BCAP29: variants seen among roughly 807,000 people sequenced by gnomAD.
BCAP29 encodes B-cell receptor-associated protein 29.
In BCAP29, 34 loss-of-function variants were observed where a neutral mutation model predicts 31.8. The ratio of observed to expected loss-of-function variants is 1.07; its 90% CI spans 0.81 to 1.42. The LOEUF is 1.42. Among genes scored for constraint, BCAP29 ranks in the 40% most tolerant of loss-of-function variants. The pLI is 0.00. For synonymous variants in BCAP29, 104 were observed against 91.3 expected (o/e 1.14, Z -0.79); for missense variants, 314 against 269.2 (o/e 1.17, Z -1.16).
chr7:107,621,354 C>T (rs551567105), downstream of BCAP29: 5 of 174,858 alleles, frequency 2.9e-5, no homozygotes, highest in South Asian at 1.3e-4. Context: ...CTTTGCTGAA[C>T]GGCATTTTTA....
chr7:107,590,360 C>T (rs930905228), intron 3 of BCAP29, among the ~76,000 whole-genome samples: 1 of 151,998 alleles, frequency 6.6e-6, no homozygotes, highest in African/African-American at 2.4e-5. Flanking sequence ...AAAGTCTTCC[C>T]CCATAAGATT....
chr7:107,580,174 G>A (rs899793127), upstream of BCAP29: 3 of 152,100 alleles, frequency 2.0e-5, no homozygotes, highest in African/African-American at 4.8e-5. Flanking sequence ...CGGACCCGCG[G>A]GCGGGAGCCT....
chr7:107,597,727 A>G (rs191211677), intron 5 of BCAP29, among the ~76,000 whole-genome samples: 1 of 152,102 alleles, frequency 6.6e-6, no homozygotes, highest in Non-Finnish European at 1.5e-5. Flanking sequence ...AAGCAGCCTG[A>G]CTCTAGAATC....
chr7:107,621,279 G>A (rs1814948397), downstream of BCAP29: 1 of 197,586 alleles, frequency 5.1e-6, no homozygotes. Flanking sequence ...GAACCCTCCT[G>A]TGTTTTTTCA....
intron 6 of BCAP29, among the ~76,000 whole-genome samples, chr7:107,609,301 C>G (rs1812714422): frequency 6.6e-6 from 1 of 152,166 alleles, no homozygotes; most frequent in African/African-American, 2.4e-5. Context: ...GCCTCATATG[C>G]CCTGTTTGTA....
At chr7:107,597,048 G>A (rs952278652) in intron 5 of BCAP29, among the ~76,000 whole-genome samples, 1 of 152,298 alleles carries the variant, frequency 6.6e-6, no homozygotes, top group African/African-American at 2.4e-5. Context: ...ACACAGTGGG[G>A]AGAAAGTCTT....
chr7:107,584,150 T>C (rs1807200541), intron 3 of BCAP29, among the ~76,000 whole-genome samples, 168 bp downstream of exon 3: 1 of 152,214 alleles, frequency 6.6e-6, no homozygotes, highest in Admixed American at 6.5e-5. Context: ...GATACTACCA[T>C]TCTGTATGTT....
intron 6 of BCAP29, among the ~76,000 whole-genome samples, chr7:107,612,169 T>C (rs1051156892): frequency 6.6e-6 from 1 of 151,814 alleles, no homozygotes; most frequent in African/African-American, 2.4e-5. Context: ...ATTCTACTTT[T>C]TTCCCTTAAA....
chr7:107,620,503 T>A (rs1392459557), downstream of BCAP29: 2 of 152,234 alleles, frequency 1.3e-5, no homozygotes, highest in East Asian at 3.8e-4. Flanking sequence ...TAAATTACTT[T>A]CCTTCCCATT....
chr7:107,594,919 T>C (rs1223770460), intron 4 of BCAP29, among the ~76,000 whole-genome samples: 1 of 152,248 alleles, frequency 6.6e-6, no homozygotes, highest in Non-Finnish European at 1.5e-5. Context: ...ATTAGGCTCC[T>C]GCCTCTCTTT....
intron 6 of BCAP29, among the ~76,000 whole-genome samples, chr7:107,603,126 C>T (rs1011415723): frequency 2.6e-5 from 4 of 151,792 alleles, no homozygotes; most frequent in African/African-American, 7.3e-5. Context: ...CCTGCCGCCA[C>T]GCCTGGCTAA....
At chr7:107,601,556 A>G (rs149772373) in intron 6 of BCAP29, among the ~76,000 whole-genome samples, 20 of 152,356 alleles carry the variant, frequency 1.3e-4, no homozygotes, top group African/African-American at 4.6e-4. Context: ...TAGTTGGCAT[A>G]GTATAGCCCA....
At chr7:107,598,040 C>G (rs1329235914) in intron 5 of BCAP29, among the ~76,000 whole-genome samples, 3 of 152,078 alleles carry the variant, frequency 2.0e-5, no homozygotes, top group Admixed American at 2.0e-4. Flanking sequence ...GGTCTTTCTC[C>G]AGCGTCAAGT....
chr7:107,608,618 A>G (rs1812593176), intron 6 of BCAP29, among the ~76,000 whole-genome samples: 1 of 151,672 alleles, frequency 6.6e-6, no homozygotes, highest in Non-Finnish European at 1.5e-5. Context: ...CTTTGGTACT[A>G]TTTATTTATA....
chr7:107,593,207 T>C (rs1809194779), intron 3 of BCAP29, among the ~76,000 whole-genome samples: 1 of 152,242 alleles, frequency 6.6e-6, no homozygotes, highest in African/African-American at 2.4e-5. Context: ...CTTGTTCATA[T>C]ACTTCCACTG....
At chr7:107,592,470 C>T (rs1809051253) in intron 3 of BCAP29, among the ~76,000 whole-genome samples, 1 of 152,186 alleles carries the variant, frequency 6.6e-6, no homozygotes, top group Non-Finnish European at 1.5e-5. Flanking sequence ...TTGGAACCAA[C>T]ATACACTGCT....
At chr7:107,610,713 A>G (rs916002070) in intron 6 of BCAP29, among the ~76,000 whole-genome samples, 2 of 152,206 alleles carry the variant, frequency 1.3e-5, no homozygotes, top group African/African-American at 4.8e-5. Flanking sequence ...TTCCGTTAAT[A>G]ACTTTATACC....
intron 3 of BCAP29, among the ~76,000 whole-genome samples, chr7:107,590,974 C>A (rs1249504140): frequency 2.0e-5 from 3 of 152,072 alleles, no homozygotes; most frequent in Admixed American, 6.6e-5. Flanking sequence ...TATTTCTATA[C>A]TATAAGCAGT....
At chr7:107,587,048 A>G (rs1299648583) in intron 3 of BCAP29, among the ~76,000 whole-genome samples, 2 of 152,170 alleles carry the variant, frequency 1.3e-5, no homozygotes, top group African/African-American at 4.8e-5. Flanking sequence ...GGTAGCTATT[A>G]AGAAGTGTTT....
Sources: allele counts gnomAD v4.1 joint callset (sites outside exome capture counted in the v4.1 genomes callset), GRCh38; gene constraint gnomAD v4.1.1; transcripts MANE v1.5; gene names NCBI Gene and HGNC (gene_info 2026-07-23, HGNC 2026-07-21).